ABCA3: variants seen among roughly 807,000 people sequenced by gnomAD.
The protein encoded by ABCA3 is phospholipid-transporting ATPase ABCA3.
In ABCA3, 88 loss-of-function variants were observed where a neutral mutation model predicts 172.8. The ratio of observed to expected loss-of-function variants is 0.51; its 90% CI spans 0.43 to 0.61. ABCA3 has a LOEUF of 0.61. Ranked by LOEUF, ABCA3 falls within the 20% of genes least tolerant of loss-of-function variation. ABCA3 has a pLI of 0.00. For synonymous variants in ABCA3, 1,066 were observed against 983.8 expected, an observed-to-expected ratio of 1.08 and a Z score of -1.56; for missense variants, 2,164 against 2,301.0, an observed-to-expected ratio of 0.94 and a Z score of 1.22.
chr16:2,296,235 CTTT>C (rs547930176), intron 17 of ABCA3, among the ~76,000 whole-genome samples: 4 of 144,178 alleles, frequency 2.8e-5, no homozygotes, highest in Admixed American at 7.0e-5. Flanking sequence ...ATTCCATGTC[CTTT>C]TTTTTTTTTT....
Position 2,317,386 on chromosome 16 carries a change from G to T in ABCA3, c.1008C>A (p.Ala336=). The T allele has an allele frequency of 6.2e-7, 1 of 1,613,822 alleles. No homozygotes were observed. Among genetic ancestry groups the T allele is most frequent in the East Asian group, 2.2e-5 (1 of 44,874 alleles). ...GGGAGGGGTCGCTGCGGGACAGCAC[G>T]GCTACATTTGGCTTCACCTGCAGGG... is the stretch of plus-strand genomic sequence containing the variant. ...LFCVKVKPNV[A]VLSRSDPSLV... The change falls in exon 10 of 33, where the codon GCC becomes GCA. Residue 336 remains alanine (A), a synonymous_variant. Transcript: ENST00000301732.
Position 2,285,678 on chromosome 16 carries a change from C to T in ABCA3, c.3279-32G>A, listed in dbSNP as rs1158509524. ...GGGACAGAGAAGGTCAGGGACGGAG[C>T]ACAGCACGTCTGGGTGGCAGGAGAG... On this transcript the variant is annotated intron_variant, in intron 22 of 32. Coordinates refer to ENST00000301732, the MANE Select transcript of ABCA3 (RefSeq NM_001089.3). The surrounding 1 kb of genome is among the most constrained non-coding windows in gnomAD (Gnocchi z 4.7). 1.3e-6 allele frequency: 2 copies of T among 1,548,988 alleles called. No homozygotes were observed. Among genetic ancestry groups the T allele is most frequent in the African/African-American group, 2.7e-5 (2 of 73,018 alleles).
chr16:2,280,606 G>A (rs1376677742), intron 28 of ABCA3, among the ~76,000 whole-genome samples: 1 of 152,184 alleles, frequency 6.6e-6, no homozygotes, highest in East Asian at 1.9e-4. Flanking sequence ...CCCGGGCAGA[G>A]GTGCAGGAGG....
intron 10 of ABCA3, among the ~76,000 whole-genome samples, chr16:2,316,962 A>G (rs763355908): frequency 8.5e-5 from 13 of 152,216 alleles, no homozygotes; most frequent in Non-Finnish European, 1.6e-4. Flanking sequence ...AAATCCAGAC[A>G]GGAAAAATGA....
intron 1 of ABCA3, among the ~76,000 whole-genome samples, chr16:2,337,897 T>C (rs1028244908): frequency 3.3e-5 from 5 of 152,200 alleles, no homozygotes; most frequent in Admixed American, 6.5e-5. Context: ...GATCACAGGC[T>C]CTGCGTTTAC....
At chr16:2,309,191 C>T (rs1045836935) in intron 10 of ABCA3, among the ~76,000 whole-genome samples, 3 of 152,184 alleles carry the variant, frequency 2.0e-5, no homozygotes, top group African/African-American at 7.2e-5. Flanking sequence ...CGTGATCCAC[C>T]GGCCTTGGCC....
intron 12 of ABCA3, among the ~76,000 whole-genome samples, chr16:2,302,363 AAT>A (rs1168943712): frequency 6.6e-6 from 1 of 152,226 alleles, no homozygotes. Flanking sequence ...AACATTCATC[AAT>A]ATGTTTAGAT....
At chr16:2,315,597 C>A (rs1037845575) in intron 10 of ABCA3, among the ~76,000 whole-genome samples, 1 of 152,020 alleles carries the variant, frequency 6.6e-6, no homozygotes, top group South Asian at 2.1e-4. Context: ...GCCAGGTACA[C>A]GAAAATCACG....
intron 18 of ABCA3, among the ~76,000 whole-genome samples, chr16:2,292,585 T>G (rs2093673713): frequency 6.6e-6 from 1 of 150,378 alleles, no homozygotes; most frequent in African/African-American, 2.5e-5. Context: ...GGTGGCAGAG[T>G]GAAACTCTGT....
chr16:2,288,184 T>G lies in ABCA3; in HGVS notation c.2846A>C (p.Glu949Ala). 6.2e-7 allele frequency: 1 copy of G among 1,605,526 alleles called. No homozygotes were observed. Among genetic ancestry groups the G allele is most frequent in the South Asian group, 1.1e-5 (1 of 89,608 alleles). Residue 949 changes from glutamate (E) to alanine (A), a missense_variant, in exon 21 of 33, where the codon GAG becomes GCG. Glu to Ala is a moderately radical substitution (Grantham distance 107). Transcript: ENST00000301732. Reference protein sequence around the residue: ...LALLAINYSSELFDDPMLRLT... With the variant: ...LALLAINYSSALFDDPMLRLT... ...CCTCAGCATGGGGTCGTCGAAGAGCTCCGAGGAGTAGTTGATGGCCAGGAG... is the reference window on the plus strand; with the variant it reads ...CCTCAGCATGGGGTCGTCGAAGAGCGCCGAGGAGTAGTTGATGGCCAGGAG...
chr16:2,318,704 G>A (rs1046262897), intron 8 of ABCA3, among the ~76,000 whole-genome samples: 1 of 151,896 alleles, frequency 6.6e-6, no homozygotes, highest in Non-Finnish European at 1.5e-5. Context: ...GTAGAGACAC[G>A]GTTTCACCTT....
intron 10 of ABCA3, among the ~76,000 whole-genome samples, chr16:2,315,839 C>CTTTTT (rs536716259): frequency 1.8e-3 from 194 of 104,866 alleles, no homozygotes; most frequent in Non-Finnish European, 2.4e-3. Flanking sequence ...AATTTTTAAA[C>CTTTTT]TTTTTTTTTT....
In ABCA3 at chr16:2,283,141, G is replaced by T. The variant is rs79755786; in HGVS notation, c.4035+45C>A. 391 of 1,589,310 alleles carry T rather than the reference G, an allele frequency of 2.5e-4. 2 individuals carry two copies. In the East Asian group the frequency reaches 8.7e-3, roughly 35 times the overall value. Reference sequence around the variant, plus strand: ...GGTTGTGCTGGGCCCAAGCAGAGACGTGGGGAGCATCTCGCCAGTGTCCTG... The same window carrying T: ...GGTTGTGCTGGGCCCAAGCAGAGACTTGGGGAGCATCTCGCCAGTGTCCTG... On this transcript the variant is annotated intron_variant, in intron 26 of 32. Transcript: ENST00000301732. The surrounding 1 kb of genome is among the most constrained non-coding windows in gnomAD (Gnocchi z 5.4).
chr16:2,288,418 G>A, intron 20 of ABCA3, 89 bp from the exon 21 acceptor site: 1 of 1,433,390 alleles, frequency 7.0e-7, no homozygotes, highest in Non-Finnish European at 9.3e-7. Flanking sequence ...TGTTCTGTGT[G>A]ACGCCAGCCT....
chr16:2,316,585 C>G (rs2093716298), intron 10 of ABCA3, among the ~76,000 whole-genome samples: 1 of 133,160 alleles, frequency 7.5e-6, no homozygotes, highest in African/African-American at 2.9e-5. Context: ...GGCTGAGGCA[C>G]AAGAATCACT....
Position 2,277,629 on chromosome 16 carries a change from G to C in ABCA3, c.4951C>G (p.His1651Asp), listed in dbSNP as rs751275655. 3.1e-6 allele frequency: 5 copies of C among 1,613,170 alleles called. No homozygotes were observed. Among genetic ancestry groups the C allele is most frequent in the Non-Finnish European group, 4.2e-6 (5 of 1,180,022 alleles). ...CAGCTGAGGTCACGGCCCGGCAGGT[G>C]GTAATGGACCATGCCTTGGTGCTCA... ...EDEHQGMVHY[H>D]LPGRDLSWAK... The change falls in exon 32 of 33, where the codon CAC (histidine) becomes GAC (aspartate). Residue 1651 changes from histidine to aspartate, a missense_variant. By Grantham distance (81) the His-to-Asp change is moderately conservative. Coordinates refer to ENST00000301732, the MANE Select transcript of ABCA3 (RefSeq NM_001089.3). This position sits in a 1 kb window ranked among gnomAD's most constrained non-coding sequence, Gnocchi z 5.3.
Position 2,284,054 on chromosome 16 carries a change from G to A in ABCA3, c.3862+225C>T. The A allele has an allele frequency of 1.9e-6, 1 of 539,858 alleles. No homozygotes were observed. 33.4% of individuals were successfully genotyped at this position (539,858 alleles called of 1,614,324 possible). ...TGGTCTGTGGTTCCTTGTTACAGAT[G>A]CCCAGACACTGAGGCAGGTGGGAGA... On this transcript the variant is annotated intron_variant, in intron 25 of 32. Transcript: ENST00000301732. The surrounding 1 kb of genome is among the most constrained non-coding windows in gnomAD (Gnocchi z 5.9).
chr16:2,287,052 C>A lies in ABCA3; in HGVS notation c.3005-85G>T. The A allele has an allele frequency of 1.3e-6, 2 of 1,481,944 alleles. No individual in the cohort carries two copies. The highest frequency in any genetic ancestry group is 3.9e-5 in the Admixed American group (2 of 51,392). The allele number at this position is 1,481,944 out of a possible 1,614,324, so 91.8% of individuals were successfully genotyped here. A position where few individuals can be genotyped will look rare whatever the true frequency, so the allele number is the denominator to read the frequency against. ...CCACCTGAGCATGGCTAATCAGGGA[C>A]CCAATAGAGTGGTGCCAGCATCCTC... On this transcript the variant is annotated intron_variant, in intron 21 of 32. Coordinates refer to ENST00000301732, the MANE Select transcript of ABCA3 (RefSeq NM_001089.3). The surrounding 1 kb of genome is among the most constrained non-coding windows in gnomAD (Gnocchi z 4.1).
At chr16:2,323,720 G>A (rs1307951659) in intron 6 of ABCA3, 32 bp from the exon 7 acceptor site, 20 of 1,613,558 alleles carry the variant, frequency 1.2e-5, no homozygotes, top group Middle Eastern at 3.3e-4. Context: ...CAGCTGTTCC[G>A]AGAGATCCAG....
Sources: allele counts gnomAD v4.1 joint callset (sites outside exome capture counted in the v4.1 genomes callset), GRCh38; gene constraint gnomAD v4.1.1; non-coding constraint Gnocchi (gnomAD v3.1); transcripts MANE v1.5; gene names NCBI Gene and HGNC (gene_info 2026-07-23, HGNC 2026-07-21).